MILR1: variants seen among roughly 807,000 people sequenced by gnomAD.
MILR1 encodes mast cell immunoglobulin like receptor 1.
In MILR1, 31 loss-of-function variants were observed where a neutral mutation model predicts 18.5. The observed-to-expected ratio is 1.68, with a 90% CI of 1.26 to 2.26. MILR1 has a LOEUF of 2.26. Among genes scored for constraint, MILR1 ranks in the 30% most tolerant of loss-of-function variants. The pLI is 0.00. For missense variants in MILR1, 257 were observed against 157.4 expected (o/e 1.63, Z -3.38); for synonymous variants, 85 against 56.2 (o/e 1.51, Z -2.30).
chr17:64,453,193 C>A (rs2037213518), intron 3 of MILR1, among the ~76,000 whole-genome samples: 1 of 151,836 alleles, frequency 6.6e-6, no homozygotes, highest in Admixed American at 6.6e-5. Flanking sequence ...CTCAGCCTCC[C>A]AAGTAGCTGG....
In MILR1 at chr17:64,465,544, AAG is replaced by A. The variant is rs1435085778; in HGVS notation, c.853+7_853+8del. 5 of 1,602,926 alleles carry A rather than the reference AAG, an allele frequency of 3.1e-6. No homozygotes were observed. The highest frequency in any genetic ancestry group is 4.3e-6 in the Non-Finnish European group (5 of 1,174,868). On this transcript the variant is annotated splice_donor_5th_base_variant and intron_variant, in intron 6 of 9. Transcript: ENST00000619286. ...AAATATCCTTGAAAAACAAGCAAGT[AAG>A]AGAACTTTGTTGCGTGTTTTGGGTG...
At chr17:64,481,544 T>G in the MILR1 span, 1 of 336,312 alleles carries the variant, frequency 3.0e-6, no homozygotes, top group Non-Finnish European at 4.2e-6. Context: ...AGATCTAGAA[T>G]ATCTGAATAT....
At chr17:64,469,214 A>G (rs1307325211), downstream of MILR1, among the ~76,000 whole-genome samples, 3 of 152,214 alleles carry the variant, frequency 2.0e-5, no homozygotes, top group African/African-American at 7.2e-5. Flanking sequence ...CAGCATATCC[A>G]AAATCCTATC....
At chr17:64,491,507 C>G in the MILR1 span, 2 of 1,474,870 alleles carry the variant, frequency 1.4e-6, no homozygotes, top group Non-Finnish European at 9.4e-7. Flanking sequence ...GAGACTATGT[C>G]TCTAAAAAAA....
chr17:64,476,779 GGAGT>G, the MILR1 span, among the ~76,000 whole-genome samples: 1 of 151,516 alleles, frequency 6.6e-6, no homozygotes, highest in South Asian at 2.1e-4. Flanking sequence ...CTTGAGGCTC[GGAGT>G]GAAAGATCAG....
the MILR1 span, chr17:64,485,935 C>G: frequency 1.3e-6 from 2 of 1,517,288 alleles, no homozygotes; most frequent in Non-Finnish European, 1.8e-6. Context: ...GTTTTTGAGA[C>G]GGAGTCTCAC....
At chr17:64,486,346 T>C in the MILR1 span, among the ~76,000 whole-genome samples, 1 of 147,006 alleles carries the variant, frequency 6.8e-6, no homozygotes, top group Non-Finnish European at 1.5e-5. Flanking sequence ...AGAGTTAGTA[T>C]TCAGAAAGGT....
chr17:64,467,468 G>A lies in MILR1; in HGVS notation c.980-97G>A, dbSNP rs1273755803. 22 of 710,126 alleles carry A rather than the reference G, an allele frequency of 3.1e-5. No homozygotes were observed. The African/African-American group carries it at 3.7e-4, about 12-fold the overall frequency. The allele number at this position is 710,126 out of a possible 1,614,324, so 44.0% of individuals were successfully genotyped here. A position where few individuals can be genotyped will look rare whatever the true frequency, so the allele number is the denominator to read the frequency against. On this transcript the variant is annotated intron_variant, in intron 8 of 9. Transcript: ENST00000619286. ...CCAGGAAAAAATTAGTTAATACCTG[G>A]TTCTGTCAGGCCACCCAGCTACTAG...
chr17:64,454,176 A>C (rs960356406), intron 3 of MILR1, among the ~76,000 whole-genome samples: 3 of 151,140 alleles, frequency 2.0e-5, no homozygotes, highest in Non-Finnish European at 2.9e-5. Flanking sequence ...TGATCCACCC[A>C]CCTCAGCCTC....
the MILR1 span, chr17:64,492,660 G>A: frequency 6.6e-7 from 1 of 1,521,740 alleles, no homozygotes; most frequent in South Asian, 1.1e-5. Flanking sequence ...GGTAATTATT[G>A]CAGTACCTTT....
the MILR1 span, among the ~76,000 whole-genome samples, chr17:64,488,990 A>G: frequency 4.0e-5 from 6 of 151,308 alleles, no homozygotes; most frequent in Non-Finnish European, 8.8e-5. Context: ...CTCATTATAT[A>G]TAAACTCCTA....
At chr17:64,467,379 G>T (rs918057976) in intron 8 of MILR1, among the ~76,000 whole-genome samples, 186 bp from the exon 9 acceptor site, 1 of 151,648 alleles carries the variant, frequency 6.6e-6, no homozygotes, top group Non-Finnish European at 1.5e-5. Context: ...CCAAAGTGTT[G>T]GGATTACAGG....
downstream of MILR1, among the ~76,000 whole-genome samples, chr17:64,470,433 T>G (rs1325564082): frequency 6.6e-6 from 1 of 152,178 alleles, no homozygotes. Context: ...ATTACACACC[T>G]AAAATTGGTT....
chr17:64,480,587 A>C, the MILR1 span, among the ~76,000 whole-genome samples: 1 of 152,248 alleles, frequency 6.6e-6, no homozygotes, highest in East Asian at 1.9e-4. Context: ...TGAAGTAATT[A>C]AGCATAGCAA....
chr17:64,491,025 TC>T, the MILR1 span: 2 of 1,267,258 alleles, frequency 1.6e-6, no homozygotes, highest in Non-Finnish European at 2.3e-6. Context: ...CTAATTTAAC[TC>T]CCATAATTAT....
At chr17:64,451,764 C>T (rs1422236833) in intron 2 of MILR1, among the ~76,000 whole-genome samples, 3 of 151,826 alleles carry the variant, frequency 2.0e-5, no homozygotes, top group African/African-American at 7.3e-5. Context: ...GAAACCCTGT[C>T]TCTACCAAAA....
chr17:64,491,030 T>A, the MILR1 span: 2 of 1,206,236 alleles, frequency 1.7e-6, no homozygotes, highest in Non-Finnish European at 2.5e-6. Context: ...TTAACTCCCA[T>A]AATTATCTGT....
chr17:64,489,463 C>CA, the MILR1 span, among the ~76,000 whole-genome samples: 1 of 151,388 alleles, frequency 6.6e-6, no homozygotes, highest in African/African-American at 2.4e-5. Context: ...ACCAGTAAGG[C>CA]AAAATTTGGT....
the MILR1 span, among the ~76,000 whole-genome samples, chr17:64,483,683 TA>T: frequency 6.6e-6 from 1 of 152,022 alleles, no homozygotes; most frequent in Admixed American, 6.6e-5. Flanking sequence ...TTTTTATATA[TA>T]TTTTTTTGAA....
Sources: allele counts gnomAD v4.1 joint callset (sites outside exome capture counted in the v4.1 genomes callset), GRCh38; gene constraint gnomAD v4.1.1; transcripts MANE v1.5; gene names NCBI Gene and HGNC (gene_info 2026-07-23, HGNC 2026-07-21).